Variants in CAND1 observed in about 807,000 individuals in gnomAD.
The protein encoded by CAND1 is cullin-associated NEDD8-dissociated protein 1.
A neutral mutation model predicts 108.5 loss-of-function variants in CAND1; 7 were observed. That is an observed-to-expected ratio of 0.06 (90% CI 0.04 to 0.12). CAND1 has a LOEUF of 0.12. Among genes scored for constraint, CAND1 ranks in the 10% least tolerant of loss-of-function variants. CAND1 has a pLI of 1.00. For synonymous variants in CAND1, 534 were observed against 512.0 expected (o/e 1.04, Z -0.58); for missense variants, 941 against 1,448.7 (o/e 0.65, Z 5.69).
At chr12:67,279,174 C>CAAA (rs3970784) in intron 1 of CAND1, among the ~76,000 whole-genome samples, 7 of 140,076 alleles carry the variant, frequency 5.0e-5, no homozygotes, top group African/African-American at 1.1e-4. Context: ...TCCCCACCAC[C>CAAA]AAAAAAAAAA....
At chr12:67,286,845 A>T (rs2044676635) in intron 2 of CAND1, among the ~76,000 whole-genome samples, 1 of 152,144 alleles carries the variant, frequency 6.6e-6, no homozygotes, top group Non-Finnish European at 1.5e-5. Flanking sequence ...TGAGGTAGGA[A>T]TTAACTTTTT....
At chr12:67,302,066 T>C (rs1044376917) in intron 7 of CAND1, among the ~76,000 whole-genome samples, 5 of 152,210 alleles carry the variant, frequency 3.3e-5, no homozygotes, top group Admixed American at 2.6e-4. Context: ...AGCAGTTCAT[T>C]ACAAAGTAAA....
chr12:67,291,002 T>G (rs527966854), intron 2 of CAND1, among the ~76,000 whole-genome samples: 16 of 152,280 alleles, frequency 1.1e-4, no homozygotes, highest in African/African-American at 2.9e-4. Context: ...TCGAACAGTT[T>G]GTCCTGAAAC....
intron 1 of CAND1, among the ~76,000 whole-genome samples, chr12:67,274,921 A>G (rs1213193810): frequency 6.6e-6 from 1 of 152,220 alleles, no homozygotes; most frequent in East Asian, 1.9e-4. Flanking sequence ...GGGCATTTAC[A>G]ATAACATAAC....
At position 67,302,434 on chromosome 12, in the gene CAND1, T is replaced by C; in HGVS notation, c.1112T>C (p.Phe371Ser). Residue 371 changes from phenylalanine to serine, a missense_variant, in exon 8 of 15, where the codon TTC becomes TCC. Coordinates refer to ENST00000545606, the MANE Select transcript of CAND1 (RefSeq NM_018448.5). ...VSTRHEMLPEFYKTVSPALIS... is the reference protein window; with the variant it reads ...VSTRHEMLPESYKTVSPALIS... ...ACAAGGCATGAAATGCTTCCAGAAT[T>C]CTACAAGACCGTCTCTCCTGCACTA... 6.2e-7 allele frequency: 1 copy of C among 1,614,118 alleles called. No individual in the cohort carries two copies. Among genetic ancestry groups the C allele is most frequent in the East Asian group, 2.2e-5 (1 of 44,874 alleles).
At position 67,319,610 on chromosome 12, in the gene CAND1, C is replaced by G. The variant is rs918671681; in HGVS notation, c.*6780C>G. 6.6e-6 allele frequency: 1 copy of G among 152,214 alleles called. No homozygotes were observed. Among genetic ancestry groups the G allele is most frequent in the Non-Finnish European group, 1.5e-5 (1 of 68,042 alleles). 9.4% of individuals were successfully genotyped at this position (152,214 alleles called of 1,614,324 possible). On this transcript the variant is annotated 3_prime_UTR_variant, in exon 15 of 15. Coordinates refer to ENST00000545606, the MANE Select transcript of CAND1 (RefSeq NM_018448.5). Reference sequence around the variant, plus strand: ...GATACTGCTATTCCCCTCCTCCATACCATTGCTGATGGTTACTGAGGGTAT... The same window carrying G: ...GATACTGCTATTCCCCTCCTCCATAGCATTGCTGATGGTTACTGAGGGTAT...
chr12:67,281,446 T>G (rs1257627033), intron 1 of CAND1, among the ~76,000 whole-genome samples: 1 of 152,228 alleles, frequency 6.6e-6, no homozygotes, highest in Non-Finnish European at 1.5e-5. Context: ...TTGAAAGTGT[T>G]CTTAATGTTT....
intron 1 of CAND1, among the ~76,000 whole-genome samples, chr12:67,278,284 A>G (rs1381069952): frequency 6.6e-6 from 1 of 151,920 alleles, no homozygotes; most frequent in Non-Finnish European, 1.5e-5. Flanking sequence ...CAGCCTCCCA[A>G]ATAGGTGGGA....
At chr12:67,281,581 G>A (rs7298244) in intron 1 of CAND1, among the ~76,000 whole-genome samples, 28,811 of 152,010 alleles carry the variant, frequency 0.19, 5,657 homozygotes, top group African/African-American at 0.5. Context: ...GAATGAAAGA[G>A]TACTCACTGT....
In CAND1 at chr12:67,305,070, A is replaced by G; in HGVS notation, c.1436-34A>G. On this transcript the variant is annotated intron_variant, in intron 9 of 14. Coordinates refer to ENST00000545606, the MANE Select transcript of CAND1 (RefSeq NM_018448.5). This position sits in a 1 kb window ranked among gnomAD's most constrained non-coding sequence, Gnocchi z 4.4. ...TAATTTTTCTTTCTTAAAAGTCTGC[A>G]CAGCAATGATTGGATTTTTTGTTGG... is the stretch of plus-strand genomic sequence containing the variant. The G allele has an allele frequency of 1.3e-6, 2 of 1,570,122 alleles. No individual in the cohort carries two copies. Among genetic ancestry groups the G allele is most frequent in the Non-Finnish European group, 1.7e-6 (2 of 1,155,016 alleles).
In CAND1 at chr12:67,309,989, A is replaced by G. The variant is rs149191897; in HGVS notation, c.3114A>G (p.Pro1038=). Reference sequence around the variant, plus strand: ...TTAATTCAGCAGCACATAACAAGCCATCATTAATAAGGGATCTATTGGATA... The same window carrying G: ...TTAATTCAGCAGCACATAACAAGCCGTCATTAATAAGGGATCTATTGGATA... ...VTFNSAAHNK[P]SLIRDLLDTV... The change falls in exon 12 of 15, where the codon CCA becomes CCG. Residue 1038 remains proline, a synonymous_variant. Transcript: ENST00000545606. 1 of 1,612,342 alleles carries G rather than the reference A, an allele frequency of 6.2e-7. No homozygotes were observed. Among genetic ancestry groups the G allele is most frequent in the South Asian group, 1.1e-5 (1 of 91,010 alleles).
chr12:67,275,543 C>T (rs951520116), intron 1 of CAND1, among the ~76,000 whole-genome samples: 2 of 151,298 alleles, frequency 1.3e-5, no homozygotes, highest in Admixed American at 6.6e-5. Context: ...AAAAAAAAAA[C>T]TGTTCCAACT....
intron 1 of CAND1, among the ~76,000 whole-genome samples, chr12:67,277,666 T>C (rs566398799): frequency 6.6e-6 from 1 of 152,334 alleles, no homozygotes; most frequent in East Asian, 1.9e-4. Flanking sequence ...ATGTGTTGGA[T>C]TACTCAAAAT....
intron 13 of CAND1, chr12:67,310,703 T>G (rs1404578088): frequency 6.4e-6 from 1 of 156,380 alleles, no homozygotes; most frequent in African/African-American, 2.4e-5. Flanking sequence ...TTCTTAGCAT[T>G]GTCTTGATTA....
intron 7 of CAND1, among the ~76,000 whole-genome samples, chr12:67,302,081 A>G (rs1281463730): frequency 6.6e-6 from 1 of 152,230 alleles, no homozygotes; most frequent in Non-Finnish European, 1.5e-5. Context: ...AGTAAATGAG[A>G]AAATGTTTAA....
chr12:67,307,588 T>C (rs1231027981), intron 11 of CAND1, 96 bp downstream of exon 11: 16 of 757,654 alleles, frequency 2.1e-5, no homozygotes, highest in Non-Finnish European at 3.5e-5. Context: ...GGAATTAAAA[T>C]GCTTATAAAA....
chr12:67,303,068 G>T (rs1386827954), intron 8 of CAND1, among the ~76,000 whole-genome samples: 1 of 152,150 alleles, frequency 6.6e-6, no homozygotes, highest in Non-Finnish European at 1.5e-5. Context: ...ATTCAGTGTA[G>T]TGCCTACTAC....
chr12:67,279,753 A>G (rs1279509667), intron 1 of CAND1, among the ~76,000 whole-genome samples: 1 of 152,116 alleles, frequency 6.6e-6, no homozygotes, highest in Admixed American at 6.5e-5. Context: ...GTGAATAAAT[A>G]AACAATAAGT....
At chr12:67,307,342 T>C in intron 10 of CAND1, 55 bp from the exon 11 acceptor site, 1 of 1,229,120 alleles carries the variant, frequency 8.1e-7, no homozygotes, top group South Asian at 1.2e-5. Flanking sequence ...AAAAATGATG[T>C]CCGTGAGTTT....
Sources: allele counts gnomAD v4.1 joint callset (sites outside exome capture counted in the v4.1 genomes callset), GRCh38; gene constraint gnomAD v4.1.1; non-coding constraint Gnocchi (gnomAD v3.1); transcripts MANE v1.5; gene names NCBI Gene and HGNC (gene_info 2026-07-23, HGNC 2026-07-21).